Variants in A2ML1 observed in about 807,000 individuals in gnomAD.
The protein encoded by A2ML1 is alpha-2-macroglobulin-like protein 1.
Under a neutral mutation model 181.9 loss-of-function variants are expected in A2ML1, and 161 were observed. The observed-to-expected ratio is 0.89, with a 90% CI of 0.78 to 1.01. The LOEUF (loss-of-function observed/expected upper bound fraction) is 1.01. Ranked by LOEUF, A2ML1 falls within the 50% of genes least tolerant of loss-of-function variation. The pLI, the probability that A2ML1 is intolerant of heterozygous loss-of-function variation, is 0.00. For missense variants in A2ML1, 1,670 were observed against 1,768.1 expected (o/e 0.94, Z 1.00); for synonymous variants, 663 against 666.8 (o/e 0.99, Z 0.09).
Position 8,854,244 on chromosome 12 carries a change from G to A in A2ML1, c.2707G>A (p.Val903Ile), listed in dbSNP as rs1416944345. The change falls in exon 21 of 36, where the codon GTC becomes ATC. Residue 903 changes from valine (V) to isoleucine (I), a missense_variant. Physicochemically the swap from Val to Ile is conservative, Grantham distance 29. Coordinates refer to ENST00000299698, the MANE Select transcript of A2ML1 (RefSeq NM_144670.6). ...RSDTLIKPVL[V>I]KPEGVLVEKT... ...TGACACGCTCATCAAGCCAGTTCTC[G>A]TCAAAGTGAGTTTTCTTCAGAGGTA... 16 of 1,596,724 alleles carry A rather than the reference G, an allele frequency of 1.0e-5. No individual in the cohort carries two copies. Among genetic ancestry groups the A allele is most frequent in the Middle Eastern group, 1.8e-4 (1 of 5,678 alleles).
At chr12:8,854,700 G>A in intron 21 of A2ML1, 80 bp from the exon 22 acceptor site, 1 of 1,507,564 alleles carries the variant, frequency 6.6e-7, no homozygotes, top group Non-Finnish European at 9.2e-7. Flanking sequence ...ACAGCGAGGG[G>A]CCTCCCTTCC....
At chr12:8,849,828 T>C (rs1943827441) in intron 17 of A2ML1, 69 bp downstream of exon 17, 1 of 1,436,168 alleles carries the variant, frequency 7.0e-7, no homozygotes, top group Non-Finnish European at 9.8e-7. Context: ...AGATTTCCTC[T>C]TGCCTCCTGT....
rs17200695 is a variant in A2ML1, at chr12:8,849,613, G to A, written c.2029-56G>A. On this transcript the variant is annotated intron_variant, in intron 16 of 35. Transcript: ENST00000299698. Reference sequence around the variant, plus strand: ...TTGATGGTGGAATTCCTGGGCAGTAGCCCTTGTAGTTGGGGAAGGGACCAC... The same window carrying A: ...TTGATGGTGGAATTCCTGGGCAGTAACCCTTGTAGTTGGGGAAGGGACCAC... 2,963 of 1,357,320 alleles carry A rather than the reference G, an allele frequency of 2.2e-3. 52 individuals carry two copies. In the Admixed American group the frequency reaches 0.04, roughly 19 times the overall value. 84.1% of individuals were successfully genotyped at this position (1,357,320 alleles called of 1,614,324 possible).
intron 5 of A2ML1, chr12:8,834,919 C>A (rs897005662): frequency 5.5e-6 from 3 of 549,376 alleles, no homozygotes; most frequent in East Asian, 3.0e-5. Context: ...ATGACTACAC[C>A]GCTCTCTCAT....
chr12:8,843,492 C>A, intron 12 of A2ML1, 131 bp downstream of exon 12: 1 of 778,758 alleles, frequency 1.3e-6, no homozygotes, highest in African/African-American at 1.7e-5. Flanking sequence ...TTTAAAGCCA[C>A]ACTAAAAAAG....
At chr12:8,857,913 C>T in intron 25 of A2ML1, 33 bp from the exon 26 acceptor site, 2 of 1,606,972 alleles carry the variant, frequency 1.2e-6, no homozygotes, top group Non-Finnish European at 1.7e-6. Flanking sequence ...GGAAATTCCT[C>T]TTCATGCCAT....
chr12:8,848,511 G>C (rs952418834), intron 15 of A2ML1, among the ~76,000 whole-genome samples: 1 of 151,922 alleles, frequency 6.6e-6, no homozygotes, highest in Non-Finnish European at 1.5e-5. Flanking sequence ...AACGAAATAG[G>C]GGATAGGATT....
At chr12:8,861,043 T>C (rs1944242604) in intron 27 of A2ML1, 88 bp downstream of exon 27, 2 of 1,607,272 alleles carry the variant, frequency 1.2e-6, no homozygotes, top group Non-Finnish European at 8.5e-7. Context: ...TAGTCACCCT[T>C]TTAAGGTCAA....
chr12:8,829,854 C>T (rs1348297341), intron 4 of A2ML1, 75 bp downstream of exon 4: 9 of 1,585,922 alleles, frequency 5.7e-6, no homozygotes, highest in Non-Finnish European at 7.8e-6. Context: ...GGGTGGAAGT[C>T]CTCTCAGCCT....
At chr12:8,868,745 T>C (rs1006366361) in intron 32 of A2ML1, 118 bp downstream of exon 32, 10 of 704,404 alleles carry the variant, frequency 1.4e-5, no homozygotes, top group Admixed American at 8.7e-5. Flanking sequence ...AAGGCATGTA[T>C]ATACATACAT....
intron 3 of A2ML1, among the ~76,000 whole-genome samples, chr12:8,824,236 T>G (rs1262535406): frequency 2.7e-5 from 4 of 148,482 alleles, no homozygotes; most frequent in African/African-American, 7.5e-5. Context: ...TTTTTTTTTT[T>G]TTTTTTTTTT....
chr12:8,828,236 C>A (rs150642072), intron 3 of A2ML1, among the ~76,000 whole-genome samples: 3 of 152,184 alleles, frequency 2.0e-5, no homozygotes, highest in Non-Finnish European at 4.4e-5. Flanking sequence ...ATGTAATCTG[C>A]GAGCCAGGGC....
intron 10 of A2ML1, among the ~76,000 whole-genome samples, chr12:8,841,105 C>A (rs1356848694): frequency 6.6e-6 from 1 of 152,136 alleles, no homozygotes; most frequent in Non-Finnish European, 1.5e-5. Context: ...AGCCCTGAAG[C>A]TTCATTAGCC....
Position 8,852,074 on chromosome 12 carries a change from T to C in A2ML1, c.2463+62T>C. On this transcript the variant is annotated intron_variant, in intron 19 of 35. Coordinates refer to ENST00000299698, the MANE Select transcript of A2ML1 (RefSeq NM_144670.6). This position sits in a 1 kb window ranked among gnomAD's most constrained non-coding sequence, Gnocchi z 4.2. ...TGGAATCACACCTCCCCCATAAGTT[T>C]GTCTCTAAATTGGAAGCATCCCAAT... 1 of 1,590,010 alleles carries C rather than the reference T, an allele frequency of 6.3e-7. No individual in the cohort carries two copies. The highest frequency in any genetic ancestry group is 8.6e-7 in the Non-Finnish European group (1 of 1,162,736).
At chr12:8,832,991 T>TTTTTTTTA (rs1943164833) in intron 4 of A2ML1, among the ~76,000 whole-genome samples, 11 of 151,348 alleles carry the variant, frequency 7.3e-5, no homozygotes, top group Admixed American at 1.3e-4. Context: ...TTTTTTTTTT[T>TTTTTTTTA]GAGACGGAGT....
intron 7 of A2ML1, among the ~76,000 whole-genome samples, chr12:8,882,949 T>C (rs1372599765): frequency 6.6e-6 from 1 of 152,170 alleles, no homozygotes; most frequent in Non-Finnish European, 1.5e-5. Flanking sequence ...AGCTCCATCT[T>C]CGGCCTTTGA....
intron 14 of A2ML1, among the ~76,000 whole-genome samples, chr12:8,846,514 G>A (rs181345149): frequency 9.2e-4 from 140 of 152,208 alleles, no homozygotes; most frequent in Admixed American, 4.1e-3. Flanking sequence ...AGACCAGCCT[G>A]GACAACATAG....
chr12:8,836,198 C>T, intron 6 of A2ML1, 57 bp from the exon 7 acceptor site: 2 of 1,428,628 alleles, frequency 1.4e-6, no homozygotes, highest in Non-Finnish European at 2.0e-6. Flanking sequence ...TGCTCACTGC[C>T]TGTCTGACTG....
rs139802091 is a variant in A2ML1, at chr12:8,846,346, A to G, written c.1683+124A>G. On this transcript the variant is annotated intron_variant, in intron 14 of 35. Transcript: ENST00000299698. ...TAGTGTTGACGTTGGATGTTGTATT[A>G]TATTTATATCTTTAGTGTTTGGGGT... The G allele has an allele frequency of 5.4e-4, 598 of 1,102,776 alleles. 3 individuals are homozygous for G. The highest frequency in any genetic ancestry group is 7.0e-4 in the Non-Finnish European group (532 of 761,906). 68.3% of individuals were successfully genotyped at this position (1,102,776 alleles called of 1,614,324 possible).
Sources: gnomAD v4.1 joint callset for allele counts (sites outside exome capture counted in the v4.1 genomes callset) on GRCh38, gnomAD v4.1.1 for gene constraint, Gnocchi (gnomAD v3.1) non-coding constraint, MANE v1.5 for transcripts, NCBI Gene and HGNC (gene_info 2026-07-23, HGNC 2026-07-21) for gene names.